The following VPS8 variants were observed in gnomAD, a reference collection of about 807,000 sequenced individuals.
The protein encoded by VPS8 is vacuolar protein sorting-associated protein 8 homolog.
Under a neutral mutation model 216.4 loss-of-function variants are expected in VPS8, and 129 were observed. That is an observed-to-expected ratio of 0.60 (90% CI 0.52 to 0.69). VPS8 has a LOEUF of 0.69. VPS8 is among the 30% of genes least tolerant of loss of function. The pLI, the probability that VPS8 is intolerant of heterozygous loss-of-function variation, is 0.00. For missense variants in VPS8, 1,531 were observed against 1,683.5 expected, an observed-to-expected ratio of 0.91 and a Z score of 1.59; for synonymous variants, 571 against 565.4, an observed-to-expected ratio of 1.01 and a Z score of -0.14.
At chr3:184,984,002 G>A (rs1234586404) in intron 42 of VPS8, among the ~76,000 whole-genome samples, 1 of 150,024 alleles carries the variant, frequency 6.7e-6, no homozygotes, top group Non-Finnish European at 1.5e-5. Context: ...GGATAACACG[G>A]TGAAACCCCG....
chr3:184,894,786 A>G lies in VPS8; in HGVS notation c.1865A>G (p.Tyr622Cys), dbSNP rs777452920. Residue 622 changes from tyrosine (Y) to cysteine (C), a missense_variant, in exon 23 of 48, where the codon TAT becomes TGT. Around this residue, in one of 3 missense-constraint regions of VPS8, gnomAD observed 1,318 missense variants for 1,468.4 expected, o/e 0.90. Coordinates refer to ENST00000625842, the MANE Select transcript of VPS8 (RefSeq NM_001009921.3). Reference protein sequence around the residue: ...KGVFLECLEPYILSDKLVGIT... With the variant: ...KGVFLECLEPCILSDKLVGIT... Reference sequence around the variant, plus strand: ...GTATTTTTGGAGTGCCTTGAGCCATATATTTTAAGTGATAAATTGGTGGGA... The same window carrying G: ...GTATTTTTGGAGTGCCTTGAGCCATGTATTTTAAGTGATAAATTGGTGGGA... 1 of 1,610,490 alleles carries G rather than the reference A, an allele frequency of 6.2e-7. No individual in the cohort carries two copies. Among genetic ancestry groups the G allele is most frequent in the South Asian group, 1.1e-5 (1 of 90,320 alleles).
At chr3:184,855,667 G>T in intron 13 of VPS8, 44 bp from the exon 14 acceptor site, 1 of 1,459,976 alleles carries the variant, frequency 6.8e-7, no homozygotes. Flanking sequence ...TTGTCCCCTT[G>T]TTTATTAACT....
intron 1 of VPS8, among the ~76,000 whole-genome samples, chr3:184,821,070 T>G (rs888790002): frequency 2.0e-5 from 3 of 152,186 alleles, no homozygotes; most frequent in African/African-American, 4.8e-5. Context: ...AATTTTGAGG[T>G]TTTAAATGTA....
chr3:184,814,745 C>T (rs1033748848), intron 1 of VPS8, among the ~76,000 whole-genome samples: 5 of 152,176 alleles, frequency 3.3e-5, no homozygotes, highest in Admixed American at 3.3e-4. Context: ...CATTATTGTA[C>T]ACTACTGTAG....
chr3:184,896,467 T>C (rs1733496536), intron 23 of VPS8, among the ~76,000 whole-genome samples: 1 of 152,276 alleles, frequency 6.6e-6, no homozygotes, highest in Admixed American at 6.5e-5. Context: ...CCTATCTCAC[T>C]CCTCCCAGTC....
intron 36 of VPS8, among the ~76,000 whole-genome samples, chr3:184,956,738 C>T (rs989005209): frequency 7.2e-5 from 11 of 152,094 alleles, no homozygotes; most frequent in East Asian, 1.9e-4. Context: ...TTGTGAATAG[C>T]GGGCTATGTG....
chr3:184,817,487 T>C (rs1716589480), intron 1 of VPS8: 1 of 152,206 alleles, frequency 6.6e-6, no homozygotes, highest in Admixed American at 6.5e-5. Flanking sequence ...GGGTGCATAC[T>C]AACAGGAAAC....
At chr3:184,997,732 T>A (rs369862401) in intron 44 of VPS8, among the ~76,000 whole-genome samples, 18 of 151,694 alleles carry the variant, frequency 1.2e-4, no homozygotes, top group African/African-American at 4.4e-4. Context: ...TGGTGGGGGG[T>A]GCAGATATTT....
intron 25 of VPS8, among the ~76,000 whole-genome samples, chr3:184,904,380 T>C (rs1243112831): frequency 6.6e-6 from 1 of 152,208 alleles, no homozygotes; most frequent in Admixed American, 6.5e-5. Context: ...AAGTTTTCTT[T>C]ACCCAGTTTG....
At chr3:184,968,449 T>C (rs1426474805) in intron 39 of VPS8, among the ~76,000 whole-genome samples, 1 of 152,230 alleles carries the variant, frequency 6.6e-6, no homozygotes, top group African/African-American at 2.4e-5. Context: ...TTTTGAGGAA[T>C]GGCCATACTG....
intron 29 of VPS8, among the ~76,000 whole-genome samples, chr3:184,922,889 A>G (rs897740941): frequency 2.0e-5 from 3 of 152,182 alleles, no homozygotes; most frequent in Admixed American, 6.5e-5. Flanking sequence ...ATGGAAAGGA[A>G]ATGGCCTTTT....
In VPS8 at chr3:184,866,859, G is replaced by T. The variant is rs1051729585; in HGVS notation, c.1396-17G>T. The T allele has an allele frequency of 5.0e-6, 8 of 1,605,520 alleles. No individual in the cohort carries two copies. Among genetic ancestry groups the T allele is most frequent in the Middle Eastern group, 1.7e-4 (1 of 6,040 alleles). ...AGGAATTTTTTTACCTTTTTTGTAT[G>T]TATGTTTTTCTTCCAGGCTTTGGTT... On this transcript the variant is annotated splice_polypyrimidine_tract_variant and intron_variant, in intron 16 of 47. Coordinates refer to ENST00000625842, the MANE Select transcript of VPS8 (RefSeq NM_001009921.3).
At chr3:184,963,434 T>C (rs576020663) in intron 37 of VPS8, among the ~76,000 whole-genome samples, 53 of 152,234 alleles carry the variant, frequency 3.5e-4, no homozygotes, top group Middle Eastern at 6.8e-3. Flanking sequence ...TTGTTAATAT[T>C]GTACAAGGAG....
intron 36 of VPS8, 62 bp downstream of exon 36, chr3:184,940,305 A>G: frequency 2.8e-6 from 2 of 710,502 alleles, no homozygotes; most frequent in South Asian, 4.5e-5. Flanking sequence ...ATAAAAGGAA[A>G]TAAATAAAGT....
intron 11 of VPS8, among the ~76,000 whole-genome samples, chr3:184,853,360 G>A (rs1256139883): frequency 1.3e-5 from 2 of 152,226 alleles, no homozygotes; most frequent in African/African-American, 4.8e-5. Flanking sequence ...GGTTGTACTT[G>A]AGGATAATTC....
chr3:184,990,495 A>G (rs1751748624), intron 42 of VPS8, among the ~76,000 whole-genome samples: 1 of 152,190 alleles, frequency 6.6e-6, no homozygotes, highest in African/African-American at 2.4e-5. Context: ...TATAGTTCTC[A>G]CCAGTTTACA....
intron 22 of VPS8, among the ~76,000 whole-genome samples, chr3:184,888,369 T>TC (rs1025826047): frequency 6.6e-6 from 1 of 152,216 alleles, no homozygotes; most frequent in African/African-American, 2.4e-5. Context: ...GGGCCACAAA[T>TC]ACCTTTGTGT....
chr3:185,036,401 A>G (rs1266830941), intron 46 of VPS8, among the ~76,000 whole-genome samples: 1 of 152,182 alleles, frequency 6.6e-6, no homozygotes, highest in Non-Finnish European at 1.5e-5. Flanking sequence ...TGGTACTGTT[A>G]CAAAACAGAC....
intron 31 of VPS8, among the ~76,000 whole-genome samples, chr3:184,928,013 G>A (rs1175404880): frequency 6.6e-6 from 1 of 152,176 alleles, no homozygotes; most frequent in Non-Finnish European, 1.5e-5. Flanking sequence ...ATTTTGAATA[G>A]TGCTGCTATG....
Sources: allele counts gnomAD v4.1 joint callset (sites outside exome capture counted in the v4.1 genomes callset), GRCh38; gene constraint gnomAD v4.1.1; regional missense constraint gnomAD v4.1.1; transcripts MANE v1.5; gene names NCBI Gene and HGNC (gene_info 2026-07-23, HGNC 2026-07-21).